SNX10: variants seen among roughly 807,000 people sequenced by gnomAD.
SNX10 encodes the protein sorting nexin-10.
In SNX10, 25 loss-of-function variants were observed where a neutral mutation model predicts 28.5. That is an observed-to-expected ratio of 0.88 (90% CI 0.64 to 1.22). SNX10 has a LOEUF of 1.22. SNX10 is among the 50% of genes most tolerant of loss of function. SNX10 has a pLI of 0.00. For missense variants in SNX10, 223 were observed against 242.6 expected, an observed-to-expected ratio of 0.92 and a Z score of 0.54; for synonymous variants, 62 against 81.4, an observed-to-expected ratio of 0.76 and a Z score of 1.28.
chr7:26,339,847 G>T (rs972449606), intron 1 of SNX10, among the ~76,000 whole-genome samples: 6 of 136,246 alleles, frequency 4.4e-5, no homozygotes, highest in African/African-American at 1.7e-4. Flanking sequence ...CCACCTGGCC[G>T]ATCTTTTTTT....
chr7:26,347,228 C>T lies in SNX10; in HGVS notation c.24+762C>T, dbSNP rs377053621. The stretch of plus-strand genomic sequence containing the variant: ...AACCATTTATTTCAGAGAATCTTTC[C>T]AGAAAGTCCTTTGCTAGCTCTCACA... On this transcript the variant is annotated intron_variant, in intron 2 of 6. Transcript: ENST00000338523. 2.1e-3 allele frequency among the ~76,000 whole-genome samples: 316 copies of T among 152,276 alleles called. 2 individuals carry two copies. The highest frequency in any genetic ancestry group is 7.2e-3 in the African/African-American group (299 of 41,556).
At chr7:26,371,164 T>C (rs1789515810) in intron 5 of SNX10, among the ~76,000 whole-genome samples, 1 of 152,104 alleles carries the variant, frequency 6.6e-6, no homozygotes, top group Non-Finnish European at 1.5e-5. Flanking sequence ...ATTATCATAT[T>C]TTAATTATAT....
rs59032944 is a variant in SNX10, at chr7:26,358,777, A to G, written c.25-2198A>G. ...AGAAAAAAGAAAAGAAATAATGGCC[A>G]AAGAGCATCACTATAGTGTTATCTT... On this transcript the variant is annotated intron_variant, in intron 2 of 6. Coordinates refer to ENST00000338523, the MANE Select transcript of SNX10 (RefSeq NM_013322.3). Among the ~76,000 whole-genome samples the G allele has an allele frequency of 8.9e-3, 1,323 of 148,656 alleles. 19 individuals carry two copies. Among genetic ancestry groups the G allele is most frequent in the African/African-American group, 0.031 (1,229 of 39,274 alleles).
chr7:26,345,842 C>G (rs1438252053), intron 1 of SNX10, among the ~76,000 whole-genome samples: 1 of 152,114 alleles, frequency 6.6e-6, no homozygotes, highest in Non-Finnish European at 1.5e-5. Context: ...GAACAATTGA[C>G]AACCCCAGAG....
chr7:26,293,470 T>C (rs1452409503), intron 1 of SNX10, among the ~76,000 whole-genome samples: 4 of 152,158 alleles, frequency 2.6e-5, no homozygotes, highest in African/African-American at 9.7e-5. Context: ...CCTCCCAAAG[T>C]GCTAGGATTA....
Position 26,364,408 on chromosome 7 carries a change from T to C in SNX10, c.112-127T>C, listed in dbSNP as rs1789207534. The C allele has an allele frequency of 1.4e-6, 2 of 1,397,244 alleles. No homozygotes were observed. Among genetic ancestry groups the C allele is most frequent in the Non-Finnish European group, 1.9e-6 (2 of 1,073,642 alleles). The allele number at this position is 1,397,244 out of a possible 1,614,324, so 86.6% of individuals were successfully genotyped here. A position where few individuals can be genotyped will look rare whatever the true frequency, so the allele number is the denominator to read the frequency against. On this transcript the variant is annotated intron_variant, in intron 3 of 6. Transcript: ENST00000338523. The surrounding 1 kb of genome is among the most constrained non-coding windows in gnomAD (Gnocchi z 4.9). ...CAAGATTTCAGAGTACTGGCATAAA[T>C]ATAAATATATGTTTGGTGGTTTAAA...
intron 1 of SNX10, among the ~76,000 whole-genome samples, chr7:26,295,992 G>A (rs566108504): frequency 3.9e-5 from 6 of 152,178 alleles, no homozygotes; most frequent in Non-Finnish European, 7.3e-5. Context: ...TCCCTGGGCC[G>A]GGTGTGGTGG....
intron 1 of SNX10, among the ~76,000 whole-genome samples, chr7:26,299,801 C>A (rs1189624857): frequency 6.6e-6 from 1 of 152,264 alleles, no homozygotes; most frequent in Admixed American, 6.5e-5. Flanking sequence ...GTGGCTCACA[C>A]CTGTAATCCC....
chr7:26,352,537 C>T (rs28504583), intron 2 of SNX10, among the ~76,000 whole-genome samples: 1,975 of 152,258 alleles, frequency 0.013, 42 homozygotes, highest in African/African-American at 0.045. Context: ...AACTCATAGC[C>T]GAGCTATATC....
intron 1 of SNX10, among the ~76,000 whole-genome samples, chr7:26,322,109 T>C (rs926765027): frequency 8.5e-5 from 13 of 152,084 alleles, no homozygotes; most frequent in African/African-American, 3.1e-4. Context: ...GGGATCTTTC[T>C]TGATACCCCA....
chr7:26,303,780 C>T (rs879600640), intron 1 of SNX10, among the ~76,000 whole-genome samples: 2 of 152,170 alleles, frequency 1.3e-5, no homozygotes, highest in African/African-American at 4.8e-5. Context: ...AGGATGAGAC[C>T]TAGGGACTTG....
intron 1 of SNX10, among the ~76,000 whole-genome samples, chr7:26,324,874 C>T (rs577000124): frequency 4.6e-5 from 7 of 152,198 alleles, no homozygotes; most frequent in South Asian, 2.1e-4. Context: ...TTTAAAAATA[C>T]GTAAAAAGAA....
chr7:26,365,171 C>T (rs1387627350), intron 5 of SNX10, 26 bp downstream of exon 5: 1 of 1,379,890 alleles, frequency 7.2e-7, no homozygotes, highest in African/African-American at 1.4e-5. Flanking sequence ...CTTTTGTGGC[C>T]AGACAAGGGG....
intron 5 of SNX10, among the ~76,000 whole-genome samples, chr7:26,368,133 C>T (rs763145261): frequency 8.5e-5 from 13 of 152,248 alleles, no homozygotes; most frequent in African/African-American, 1.2e-4. Flanking sequence ...ACACTTTCTA[C>T]GTGTTTGGCA....
At chr7:26,351,305 A>T (rs967263275) in intron 2 of SNX10, among the ~76,000 whole-genome samples, 26 of 152,350 alleles carry the variant, frequency 1.7e-4, no homozygotes, top group African/African-American at 6.0e-4. Context: ...CAGCCAGGTG[A>T]TCACTGTTAA....
chr7:26,362,494 T>C (rs1418863909), intron 3 of SNX10, among the ~76,000 whole-genome samples: 1 of 152,236 alleles, frequency 6.6e-6, no homozygotes, highest in Non-Finnish European at 1.5e-5. Context: ...TTTGATGGTG[T>C]CCTGGCACTT....
intron 2 of SNX10, among the ~76,000 whole-genome samples, chr7:26,359,701 GT>G (rs1562817770): frequency 6.7e-6 from 1 of 149,476 alleles, no homozygotes; most frequent in Non-Finnish European, 1.5e-5. Flanking sequence ...GACTTGCTCT[GT>G]CGCCAGGCTG....
At chr7:26,303,083 C>T (rs1193989589) in intron 1 of SNX10, among the ~76,000 whole-genome samples, 1 of 152,224 alleles carries the variant, frequency 6.6e-6, no homozygotes, top group Non-Finnish European at 1.5e-5. Flanking sequence ...AAATCAGCTA[C>T]TAAGAATTAG....
chr7:26,336,202 T>C (rs1185040338), intron 1 of SNX10, among the ~76,000 whole-genome samples: 1 of 152,166 alleles, frequency 6.6e-6, no homozygotes, highest in Non-Finnish European at 1.5e-5. Flanking sequence ...AGGTTTTACT[T>C]TCTTTTAAAA....
Sources: allele counts gnomAD v4.1 joint callset (sites outside exome capture counted in the v4.1 genomes callset), GRCh38; gene constraint gnomAD v4.1.1; non-coding constraint Gnocchi (gnomAD v3.1); transcripts MANE v1.5; gene names NCBI Gene and HGNC (gene_info 2026-07-23, HGNC 2026-07-21).